SEMA5A: variants seen among roughly 807,000 people sequenced by gnomAD.
SEMA5A encodes semaphorin 5A.
In SEMA5A, 55 loss-of-function variants were observed where a neutral mutation model predicts 135.5. That is an observed-to-expected ratio of 0.41 (90% CI 0.33 to 0.51). The LOEUF (loss-of-function observed/expected upper bound fraction) is 0.51. SEMA5A is among the 20% of genes least tolerant of loss of function. The pLI is 0.37. For missense variants in SEMA5A, 1,290 were observed against 1,419.9 expected (o/e 0.91, Z 1.47); for synonymous variants, 580 against 546.5 (o/e 1.06, Z -0.85).
chr5:9,200,471 G>A (rs1301178447), intron 9 of SEMA5A, among the ~76,000 whole-genome samples: 5 of 152,194 alleles, frequency 3.3e-5, no homozygotes, highest in Non-Finnish European at 7.3e-5. Flanking sequence ...TTTATCTTGG[G>A]TGTGACTACA....
intron 5 of SEMA5A, among the ~76,000 whole-genome samples, chr5:9,264,844 A>T (rs1036622578): frequency 4.0e-5 from 6 of 149,908 alleles, no homozygotes; most frequent in Non-Finnish European, 8.9e-5. Context: ...AACATTCATC[A>T]CTCTCAAAAG....
intron 3 of SEMA5A, among the ~76,000 whole-genome samples, chr5:9,374,005 C>A (rs1240063058): frequency 2.0e-5 from 3 of 152,186 alleles, no homozygotes; most frequent in African/African-American, 7.2e-5. Flanking sequence ...TGCTGAGAAA[C>A]ATGCTGTCTT....
intron 1 of SEMA5A, among the ~76,000 whole-genome samples, chr5:9,485,230 C>A (rs1034516056): frequency 1.3e-5 from 2 of 151,050 alleles, no homozygotes; most frequent in African/African-American, 2.4e-5. Flanking sequence ...ATGTACCTGT[C>A]CTTCTCCCAC....
At chr5:9,081,644 A>G (rs1005561345) in intron 16 of SEMA5A, among the ~76,000 whole-genome samples, 2 of 152,204 alleles carry the variant, frequency 1.3e-5, no homozygotes, top group East Asian at 3.9e-4. Flanking sequence ...AAGTCCTGCA[A>G]GTTATCTAGG....
intron 8 of SEMA5A, among the ~76,000 whole-genome samples, chr5:9,221,321 G>A (rs1244788166): frequency 2.6e-5 from 1 of 39,074 alleles, no homozygotes; most frequent in African/African-American, 1.1e-4. Flanking sequence ...TTTTTTTTTT[G>A]AGACGGAGTC....
At chr5:9,384,613 T>C (rs1392674716) in intron 2 of SEMA5A, among the ~76,000 whole-genome samples, 23 of 114,704 alleles carry the variant, frequency 2.0e-4, no homozygotes, top group African/African-American at 7.5e-4. Flanking sequence ...GATAGATAGA[T>C]AGATACATAG....
chr5:9,107,710 T>G (rs1739998006), intron 16 of SEMA5A, among the ~76,000 whole-genome samples: 1 of 152,104 alleles, frequency 6.6e-6, no homozygotes, highest in African/African-American at 2.4e-5. Context: ...ACTTGCATGA[T>G]TTGCAGCATC....
intron 1 of SEMA5A, among the ~76,000 whole-genome samples, chr5:9,504,965 T>G (rs1735795384): frequency 6.6e-6 from 1 of 152,240 alleles, no homozygotes; most frequent in Non-Finnish European, 1.5e-5. Context: ...ATAGATAGTA[T>G]CCGATCATCA....
At chr5:9,249,036 C>G (rs1748632998) in intron 5 of SEMA5A, among the ~76,000 whole-genome samples, 1 of 152,178 alleles carries the variant, frequency 6.6e-6, no homozygotes, top group Non-Finnish European at 1.5e-5. Flanking sequence ...AGTTTAGGAG[C>G]ATGGGGTGGA....
At position 9,410,777 on chromosome 5, in the gene SEMA5A, G is replaced by A. The variant is rs530414857; in HGVS notation, c.-78+26979C>T. On this transcript the variant is annotated intron_variant, in intron 2 of 22. Transcript: ENST00000382496. ...GGTGCAGCAAAACACCATGGCCCAC[G>A]TATATCTGTGCAACAAACCTGCACA... Among the ~76,000 whole-genome samples the A allele has an allele frequency of 3.6e-3, 539 of 151,354 alleles. 7 individuals carry two copies. Among genetic ancestry groups the A allele is most frequent in the Admixed American group, 5.7e-3 (87 of 15,176 alleles).
chr5:9,322,030 T>A (rs1206359991), intron 4 of SEMA5A, among the ~76,000 whole-genome samples: 1 of 152,214 alleles, frequency 6.6e-6, no homozygotes, highest in Non-Finnish European at 1.5e-5. Context: ...GCTCTCTGTC[T>A]ACTTGGAGAG....
At position 9,459,038 on chromosome 5, in the gene SEMA5A, T is replaced by C. The variant is rs569709172; in HGVS notation, c.-174-21186A>G. Among the ~76,000 whole-genome samples, 5 of 152,352 alleles carry C rather than the reference T, an allele frequency of 3.3e-5. No individual in the cohort carries two copies. In the South Asian group the frequency reaches 6.2e-4, roughly 19 times the overall value. ...TATGAACCAGAATGATTTTTATCAA[T>C]GCCAGTGGCAATAAATAGTGTACAT... On this transcript the variant is annotated intron_variant, in intron 1 of 22. Coordinates refer to ENST00000382496, the MANE Select transcript of SEMA5A (RefSeq NM_003966.3).
chr5:9,491,512 C>T (rs1215904177), intron 1 of SEMA5A, among the ~76,000 whole-genome samples: 1 of 151,182 alleles, frequency 6.6e-6, no homozygotes, highest in African/African-American at 2.4e-5. Context: ...GCATACACAA[C>T]CTGAAGACTT....
chr5:9,216,678 T>C (rs1319787907), intron 8 of SEMA5A, among the ~76,000 whole-genome samples: 2 of 152,240 alleles, frequency 1.3e-5, no homozygotes, highest in African/African-American at 4.8e-5. Context: ...GTTGTGTGCA[T>C]ATATATTTAG....
intron 3 of SEMA5A, among the ~76,000 whole-genome samples, chr5:9,369,875 C>T (rs1755066167): frequency 1.3e-5 from 2 of 151,940 alleles, no homozygotes; most frequent in African/African-American, 4.8e-5. Flanking sequence ...ATTAGATGAA[C>T]CCCTTCCTTC....
intron 16 of SEMA5A, among the ~76,000 whole-genome samples, chr5:9,090,652 C>T (rs970076841): frequency 6.6e-6 from 1 of 152,180 alleles, no homozygotes; most frequent in African/African-American, 2.4e-5. Context: ...AGAAACTACT[C>T]ATGGAGCAGC....
intron 1 of SEMA5A, chr5:9,512,082 T>C (rs1736233438): frequency 6.6e-6 from 1 of 152,246 alleles, no homozygotes; most frequent in Admixed American, 6.5e-5. Context: ...ATCAGTCTTA[T>C]GTTCCTGGCA....
At position 9,246,032 on chromosome 5, in the gene SEMA5A, G is replaced by T. The variant is rs1231778412; in HGVS notation, c.271-8142C>A. Among the ~76,000 whole-genome samples the T allele has an allele frequency of 1.3e-5, 2 of 150,808 alleles. 1 individual carries two copies. Among genetic ancestry groups the T allele is most frequent in the Middle Eastern group, 6.3e-3 (2 of 316 alleles). The stretch of plus-strand genomic sequence containing the variant: ...AGTATCAAGGACATTATAATATCTG[G>T]TATAAAATTTAAAACCATGATTGTC... On this transcript the variant is annotated intron_variant, in intron 5 of 22. Transcript: ENST00000382496.
chr5:9,525,792 CT>C (rs1267880701), intron 1 of SEMA5A, among the ~76,000 whole-genome samples: 3 of 152,160 alleles, frequency 2.0e-5, no homozygotes, highest in Admixed American at 6.5e-5. Context: ...GAAATTGTAT[CT>C]TTTTTTCTTT....
Sources: allele counts gnomAD v4.1 joint callset (sites outside exome capture counted in the v4.1 genomes callset), GRCh38; gene constraint gnomAD v4.1.1; transcripts MANE v1.5; gene names NCBI Gene and HGNC (gene_info 2026-07-23, HGNC 2026-07-21).